DMXL1: variants seen among roughly 807,000 people sequenced by gnomAD.
DMXL1 encodes Dmx like 1, also known as dmX-like protein 1.
In DMXL1, 99 loss-of-function variants were observed where a neutral mutation model predicts 319.2. That is an observed-to-expected ratio of 0.31 (90% confidence interval 0.26 to 0.37). DMXL1 has a LOEUF of 0.37. Ranked by LOEUF, DMXL1 falls within the 10% of genes least tolerant of loss-of-function variation. The pLI is 1.00. For synonymous variants in DMXL1, 1,385 were observed against 1,235.2 expected, an observed-to-expected ratio of 1.12 and a Z score of -2.54; for missense variants, 3,745 against 3,595.6, an observed-to-expected ratio of 1.04 and a Z score of -1.06.
In DMXL1 at chr5:119,193,867, T is replaced by A; in HGVS notation, c.7354T>A (p.Ser2452Thr). Reference protein sequence around the residue: ...PSSQSRAEYDSEESLGSDDDD... With the variant: ...PSSQSRAEYDTEESLGSDDDD... ...TTCTCAAAGTAGAGCCGAATATGAT[T>A]CAGAGGAGAGTCTGGGAAGTGATGA... The change falls in exon 30 of 44, where the codon TCA (serine) becomes ACA (threonine). Residue 2452 changes from serine to threonine, a missense_variant. Transcript: ENST00000539542. 3.7e-6 allele frequency: 6 copies of A among 1,613,186 alleles called. No homozygotes were observed. Among genetic ancestry groups the A allele is most frequent in the Non-Finnish European group, 5.1e-6 (6 of 1,179,598 alleles).
intron 25 of DMXL1, among the ~76,000 whole-genome samples, chr5:119,174,770 A>G (rs146632918): frequency 4.6e-5 from 7 of 151,658 alleles, no homozygotes; most frequent in Admixed American, 1.3e-4. Flanking sequence ...ACTGCCTTTT[A>G]TACCTTATAT....
chr5:119,149,476 G>A lies in DMXL1; in HGVS notation c.3649G>A (p.Val1217Ile), dbSNP rs1367286362. The A allele has an allele frequency of 1.9e-6, 3 of 1,613,916 alleles. No individual in the cohort carries two copies. The South Asian group carries it at 3.3e-5, about 18-fold the overall frequency. The change falls in exon 18 of 44, where the codon GTT (valine) becomes ATT (isoleucine). Residue 1217 changes from valine (V) to isoleucine (I), a missense_variant. Val to Ile is a conservative substitution (Grantham distance 29). Coordinates refer to ENST00000539542, the MANE Select transcript of DMXL1 (RefSeq NM_001290321.3). ...TGTAGATGGCTCCCCACCTTTTCCT[G>A]TTTCTTTATCGTGGGTCCGGGATGG... ...SSVDGSPPFP[V>I]SLSWVRDGIL...
In DMXL1 at chr5:119,150,051, A is replaced by T. The variant is rs772794493; in HGVS notation, c.4224A>T (p.Leu1408Phe). ...TAGATTCTGTTCCTCCACTTCCTTT[A>T]TATGCCTTACTTGCAGCAGATGATG... Reference protein sequence around the residue: ...TEIDSVPPLPLYALLAADDDS... With the variant: ...TEIDSVPPLPFYALLAADDDS... Residue 1408 changes from leucine (L) to phenylalanine (F), a missense_variant, in exon 18 of 44, where the codon TTA becomes TTT. Leu to Phe is a conservative substitution (Grantham distance 22, BLOSUM62 0). Coordinates refer to ENST00000539542, the MANE Select transcript of DMXL1 (RefSeq NM_001290321.3). The T allele has an allele frequency of 1.4e-5, 23 of 1,613,812 alleles. No homozygotes were observed. The highest frequency in any genetic ancestry group is 1.9e-5 in the Non-Finnish European group (22 of 1,179,906).
At chr5:119,239,187 G>A (rs1788306650) in intron 41 of DMXL1, 107 bp downstream of exon 41, 3 of 1,149,520 alleles carry the variant, frequency 2.6e-6, no homozygotes, top group Admixed American at 2.4e-5. Context: ...TTTAGATACA[G>A]TATTTTTATT....
chr5:119,097,388 G>A (rs1457326500), intron 1 of DMXL1, among the ~76,000 whole-genome samples: 1 of 152,188 alleles, frequency 6.6e-6, no homozygotes, highest in Admixed American at 6.5e-5. Flanking sequence ...GATGATCATG[G>A]TTCAGTTTAG....
In DMXL1 at chr5:119,149,802, T is replaced by C. The variant is rs1561728008; in HGVS notation, c.3975T>C (p.Tyr1325=). ...TACTTTCCCCGACTCTACCTCAGTA[T>C]CATCCCTTGCAGCTTTTGGAACTCA... The part of the protein sequence containing the change: ...AHVLSPTLPQ[Y]HPLQLLELMD... Residue 1325 remains tyrosine (Y), a synonymous_variant, in exon 18 of 44, where the codon TAT becomes TAC. Transcript: ENST00000539542. 3 of 1,613,872 alleles carry C rather than the reference T, an allele frequency of 1.9e-6. No homozygotes were observed. Among genetic ancestry groups the C allele is most frequent in the Non-Finnish European group, 2.5e-6 (3 of 1,179,940 alleles).
chr5:119,165,791 A>T (rs964414739), intron 21 of DMXL1, among the ~76,000 whole-genome samples: 8 of 152,220 alleles, frequency 5.3e-5, no homozygotes, highest in African/African-American at 1.9e-4. Context: ...TCACTATCAC[A>T]AGAATAGCAT....
chr5:119,179,685 A>G (rs1356738414), intron 28 of DMXL1, among the ~76,000 whole-genome samples: 1 of 152,182 alleles, frequency 6.6e-6, no homozygotes, highest in African/African-American at 2.4e-5. Context: ...AGCAGTTTCC[A>G]CTAACCTGTG....
intron 13 of DMXL1, among the ~76,000 whole-genome samples, chr5:119,143,007 C>A (rs1767755974): frequency 6.6e-6 from 1 of 151,932 alleles, no homozygotes. Flanking sequence ...TTCTCACTTA[C>A]AAGTGGGAGC....
chr5:119,157,162 TTTAA>T (rs1771277613), intron 19 of DMXL1, among the ~76,000 whole-genome samples: 2 of 152,184 alleles, frequency 1.3e-5, no homozygotes, highest in African/African-American at 4.8e-5. Context: ...ATGCCTATTT[TTTAA>T]TTGAGTTGTT....
chr5:119,196,822 A>G (rs1779726237), intron 31 of DMXL1, among the ~76,000 whole-genome samples: 1 of 152,198 alleles, frequency 6.6e-6, no homozygotes, highest in South Asian at 2.1e-4. Context: ...AGAAAGGGGC[A>G]TGATAACATA....
chr5:119,184,316 A>C (rs1304526006), intron 28 of DMXL1, among the ~76,000 whole-genome samples: 5 of 152,060 alleles, frequency 3.3e-5, no homozygotes. Context: ...TTCCCACCTC[A>C]GCCTCCCAAA....
intron 41 of DMXL1, among the ~76,000 whole-genome samples, chr5:119,240,063 A>G (rs1372717199): frequency 2.6e-5 from 4 of 151,234 alleles, no homozygotes; most frequent in African/African-American, 9.7e-5. Flanking sequence ...CAGCCCAGGA[A>G]TTTGAGACCA....
At position 119,105,340 on chromosome 5, in the gene DMXL1, T is replaced by G. The variant is rs1030286075; in HGVS notation, c.364+82T>G. 3.6e-6 allele frequency: 4 copies of G among 1,113,416 alleles called. No individual in the cohort carries two copies. In the African/African-American group the frequency reaches 6.2e-5, roughly 17 times the overall value. 69.0% of individuals were successfully genotyped at this position (1,113,416 alleles called of 1,614,324 possible). A position where few individuals can be genotyped will look rare whatever the true frequency, so the allele number is the denominator to read the frequency against. On this transcript the variant is annotated intron_variant, in intron 4 of 43. Coordinates refer to ENST00000539542, the MANE Select transcript of DMXL1 (RefSeq NM_001290321.3). ...TTTTTATTACTCTTATGTATTTCAC[T>G]TCTGCTGGGTGTGAGGTTGTGGGGA... is the stretch of plus-strand genomic sequence containing the variant.
intron 21 of DMXL1, 64 bp from the exon 22 acceptor site, chr5:119,166,552 A>G: frequency 7.0e-7 from 1 of 1,436,922 alleles, no homozygotes; most frequent in Non-Finnish European, 9.5e-7. Flanking sequence ...AACTTTAGAA[A>G]ATTGATTCTG....
chr5:119,119,055 A>G (rs766937787), intron 8 of DMXL1, 51 bp downstream of exon 8: 9 of 1,311,914 alleles, frequency 6.9e-6, no homozygotes, highest in Middle Eastern at 4.5e-4. Flanking sequence ...CCTTTGGTAC[A>G]TTGCCTTTTT....
rs373141971 is a variant in DMXL1, at chr5:119,185,497, T to TTTTG, written c.7136-4195_7136-4192dup. On this transcript the variant is annotated intron_variant, in intron 28 of 43. Transcript: ENST00000539542. ...TGGATAGTATCATCTTCCAGACTTT[T>TTTTG]TTTGTTTGTTTGTTTGTTTTTTTGA... Among the ~76,000 whole-genome samples, 1,128 of 152,196 alleles carry TTTTG rather than the reference T, an allele frequency of 7.4e-3. 16 individuals carry two copies. Among genetic ancestry groups the TTTTG allele is most frequent in the African/African-American group, 0.026 (1,081 of 41,518 alleles).
At chr5:119,242,390 A>AT (rs1788989893) in intron 42 of DMXL1, among the ~76,000 whole-genome samples, 1 of 152,240 alleles carries the variant, frequency 6.6e-6, no homozygotes, top group African/African-American at 2.4e-5. Flanking sequence ...CAAAACAATG[A>AT]AATACTGAGA....
At chr5:119,214,026 C>G (rs1783243797) in intron 34 of DMXL1, among the ~76,000 whole-genome samples, 1 of 152,010 alleles carries the variant, frequency 6.6e-6, no homozygotes, top group Non-Finnish European at 1.5e-5. Context: ...AACTTTTTAT[C>G]TTTCCTGTCT....
Sources: allele counts gnomAD v4.1 joint callset (sites outside exome capture counted in the v4.1 genomes callset), GRCh38; gene constraint gnomAD v4.1.1; transcripts MANE v1.5; gene names NCBI Gene and HGNC (gene_info 2026-07-23, HGNC 2026-07-21).